COLEC11: variants seen among roughly 807,000 people sequenced by gnomAD.
The protein encoded by COLEC11 is collectin subfamily member 11.
In COLEC11, 20 loss-of-function variants were observed where a neutral mutation model predicts 27.3. The ratio of observed to expected loss-of-function variants is 0.73; its 90% confidence interval spans 0.51 to 1.06. The LOEUF is 1.06. COLEC11 is among the 50% of genes least tolerant of loss of function. The pLI, the probability that COLEC11 is intolerant of heterozygous loss-of-function variation, is 0.00. For synonymous variants in COLEC11, 163 were observed against 154.7 expected (o/e 1.05, Z -0.40); for missense variants, 310 against 383.0 (o/e 0.81, Z 1.59).
At chr2:3,624,665 G>A (rs2147918358) in intron 3 of COLEC11, among the ~76,000 whole-genome samples, 1 of 152,300 alleles carries the variant, frequency 6.6e-6, no homozygotes, top group South Asian at 2.1e-4. Context: ...CGGGTAAAGT[G>A]AAACTGTTCT....
chr2:3,625,291 C>A (rs538426790), intron 3 of COLEC11, among the ~76,000 whole-genome samples: 93 of 152,172 alleles, frequency 6.1e-4, no homozygotes, highest in African/African-American at 2.1e-3. Context: ...AAGCAGGCCT[C>A]AGGTCCCTGC....
chr2:3,644,046 G>A lies in COLEC11; in HGVS notation c.744G>A (p.Ser248=), dbSNP rs369567362. 1.8e-5 allele frequency: 29 copies of A among 1,613,650 alleles called. No homozygotes were observed. The highest frequency in any genetic ancestry group is 8.3e-5 in the Admixed American group (5 of 60,016). Reference sequence around the variant, plus strand: ...AGGACTGCGTGGAGATGGTGGCCTCGGGCGGCTGGAACGACGTGGCCTGCC... The same window carrying A: ...AGGACTGCGTGGAGATGGTGGCCTCAGGCGGCTGGAACGACGTGGCCTGCC... ...DEEDCVEMVA[S]GGWNDVACHT... is the part of the protein sequence containing the mutation. Residue 248 remains serine (S), a synonymous_variant, in exon 7 of 7, where the codon TCG becomes TCA. Transcript: ENST00000349077.
chr2:3,632,575 G>A (rs191484819), intron 3 of COLEC11, among the ~76,000 whole-genome samples: 1 of 152,348 alleles, frequency 6.6e-6, no homozygotes, highest in African/African-American at 2.4e-5. Context: ...GCCCACCTGT[G>A]TGACCTCTTT....
At chr2:3,643,323 T>C in intron 5 of COLEC11, 121 bp from the exon 6 acceptor site, 1 of 837,982 alleles carries the variant, frequency 1.2e-6, no homozygotes, top group South Asian at 1.4e-5. Flanking sequence ...TATTGCGGCC[T>C]CAAAGGCCCG....
chr2:3,597,199 C>G (rs1242490893), intron 1 of COLEC11, among the ~76,000 whole-genome samples: 1 of 152,094 alleles, frequency 6.6e-6, no homozygotes, highest in Non-Finnish European at 1.5e-5. Flanking sequence ...ACAAGAAATC[C>G]CGGCCTGGGC....
In COLEC11 at chr2:3,640,308, C is replaced by T. The variant is rs368391846; in HGVS notation, c.305C>T (p.Pro102Leu). Residue 102 changes from proline to leucine, a missense_variant, in exon 5 of 7, where the codon CCC becomes CTC. Pro to Leu is a moderately conservative substitution (Grantham distance 98, BLOSUM62 -3). Coordinates refer to ENST00000349077, the MANE Select transcript of COLEC11 (RefSeq NM_024027.5). Reference protein sequence around the residue: ...GEKGDSGDIGPPGPNGEPGLP... With the variant: ...GEKGDSGDIGLPGPNGEPGLP... ...AAAGGAGATTCCGGTGACATAGGAC[C>T]CCCTGGTCCTAATGGAGAACCAGGT... 5.0e-6 allele frequency: 8 copies of T among 1,601,868 alleles called. No individual in the cohort carries two copies. The highest frequency in any genetic ancestry group is 4.3e-6 in the Non-Finnish European group (5 of 1,169,154).
At chr2:3,643,265 G>A (rs1666002329) in intron 5 of COLEC11, among the ~76,000 whole-genome samples, 179 bp from the exon 6 acceptor site, 1 of 152,236 alleles carries the variant, frequency 6.6e-6, no homozygotes, top group African/African-American at 2.4e-5. Context: ...CACTCCTGTG[G>A]AGGTCCTTCC....
At chr2:3,622,606 G>A (rs1192822101) in intron 3 of COLEC11, among the ~76,000 whole-genome samples, 1 of 152,132 alleles carries the variant, frequency 6.6e-6, no homozygotes, top group Non-Finnish European at 1.5e-5. Context: ...CCATTTATGA[G>A]TTAATAGATT....
rs574538772 is a variant in COLEC11 at position 3,613,341 on chromosome 2, C to T, written c.161C>T (p.Ala54Val). ...GDAGEKGDKG[A>V]PGRPGRVGPT... ...GCGGGAGAGAAGGGAGACAAAGGCG[C>T]CCCCGGACGGCCTGGAAGAGTCGGC... The change falls in exon 3 of 7, where the codon GCC (alanine) becomes GTC (valine). Residue 54 changes from alanine to valine, a missense_variant. By Grantham distance (64) the Ala-to-Val change is moderately conservative. Coordinates refer to ENST00000349077, the MANE Select transcript of COLEC11 (RefSeq NM_024027.5). 1 of 1,610,092 alleles carries T rather than the reference C, an allele frequency of 6.2e-7. No homozygotes were observed. Among genetic ancestry groups the T allele is most frequent in the Non-Finnish European group, 8.5e-7 (1 of 1,178,378 alleles).
intron 3 of COLEC11, among the ~76,000 whole-genome samples, chr2:3,633,589 C>G: frequency 6.6e-6 from 1 of 152,084 alleles, no homozygotes; most frequent in East Asian, 1.9e-4. Context: ...ATCTGGCAGC[C>G]TGGACCTCCT....
chr2:3,627,615 A>T (rs1664656655), intron 3 of COLEC11, among the ~76,000 whole-genome samples: 1 of 147,500 alleles, frequency 6.8e-6, no homozygotes, highest in Admixed American at 6.7e-5. Flanking sequence ...CTGGGCATGA[A>T]GATGGGACAC....
At chr2:3,642,331 G>C (rs1466771863) in intron 5 of COLEC11, among the ~76,000 whole-genome samples, 2 of 152,202 alleles carry the variant, frequency 1.3e-5, no homozygotes, top group African/African-American at 4.8e-5. Flanking sequence ...ACAGGCGTAT[G>C]GGAACGGAAT....
At chr2:3,611,549 AC>A (rs1454289488) in intron 2 of COLEC11, among the ~76,000 whole-genome samples, 1 of 152,242 alleles carries the variant, frequency 6.6e-6, no homozygotes, top group African/African-American at 2.4e-5. Context: ...TTCTTGCTAA[AC>A]TGTCAATACT....
At chr2:3,601,293 TTTTC>T (rs893139186) in intron 1 of COLEC11, among the ~76,000 whole-genome samples, 29 of 152,112 alleles carry the variant, frequency 1.9e-4, no homozygotes, top group African/African-American at 6.0e-4. Flanking sequence ...GCTTTTGGAT[TTTTC>T]TTTATTATTA....
chr2:3,610,549 T>A (rs2147874483), intron 2 of COLEC11, among the ~76,000 whole-genome samples: 1 of 152,320 alleles, frequency 6.6e-6, no homozygotes, highest in East Asian at 1.9e-4. Context: ...ACTATTGGCC[T>A]GGACCGTGGC....
At chr2:3,629,020 G>A (rs1664781406) in intron 3 of COLEC11, among the ~76,000 whole-genome samples, 1 of 152,210 alleles carries the variant, frequency 6.6e-6, no homozygotes, top group African/African-American at 2.4e-5. Flanking sequence ...GCGGGAGGGG[G>A]CGTTGCTTGC....
rs530026510 is a variant in COLEC11, at chr2:3,621,900, C to T, written c.202+8518C>T. Among the ~76,000 whole-genome samples the T allele has an allele frequency of 3.3e-5, 5 of 152,206 alleles. No homozygotes were observed. In the South Asian group the frequency reaches 1.0e-3, roughly 32 times the overall value. ...TACATCTATTAACAAATCATTGGGC[C>T]AGGTGCAGTGGCTCACACCTGTAAT... On this transcript the variant is annotated intron_variant, in intron 3 of 6. Transcript: ENST00000349077.
At chr2:3,609,633 G>A (rs1366339282) in intron 2 of COLEC11, among the ~76,000 whole-genome samples, 1 of 151,796 alleles carries the variant, frequency 6.6e-6, no homozygotes, top group Admixed American at 6.6e-5. Flanking sequence ...GGGTTCAAGC[G>A]ATTCTCCTGC....
At chr2:3,608,496 C>T (rs958847901) in intron 2 of COLEC11, among the ~76,000 whole-genome samples, 2 of 152,120 alleles carry the variant, frequency 1.3e-5, no homozygotes, top group East Asian at 3.8e-4. Flanking sequence ...ATCTTTATGA[C>T]CCCTGGGACC....
Sources: gnomAD v4.1 joint callset for allele counts (sites outside exome capture counted in the v4.1 genomes callset) on GRCh38, gnomAD v4.1.1 for gene constraint, MANE v1.5 for transcripts, NCBI Gene and HGNC (gene_info 2026-07-23, HGNC 2026-07-21) for gene names.